Variants in AGBL4 observed in about 807,000 individuals in gnomAD.
The protein encoded by AGBL4 is cytosolic carboxypeptidase 6.
AGBL4 carries 58 observed loss-of-function variants against 66.4 expected under a neutral mutation model. The ratio of observed to expected loss-of-function variants is 0.87; its 90% CI spans 0.71 to 1.09. The LOEUF (loss-of-function observed/expected upper bound fraction) is 1.09, where lower values mean the gene tolerates loss of function less well. AGBL4 is among the 50% of genes least tolerant of loss of function. The pLI is 0.00. For missense variants in AGBL4, 579 were observed against 631.0 expected (o/e 0.92, Z 0.88); for synonymous variants, 234 against 222.9 (o/e 1.05, Z -0.44).
At chr1:48,613,988 T>C (rs892107443) in intron 9 of AGBL4, among the ~76,000 whole-genome samples, 1 of 152,186 alleles carries the variant, frequency 6.6e-6, no homozygotes, top group South Asian at 2.1e-4. Flanking sequence ...TTTTAACTAC[T>C]AAATACATAA....
intron 4 of AGBL4, among the ~76,000 whole-genome samples, chr1:49,221,826 C>G (rs1001165091): frequency 1.3e-5 from 2 of 152,064 alleles, no homozygotes; most frequent in African/African-American, 2.4e-5. Context: ...AACATATACA[C>G]TTTTTAATTT....
intron 11 of AGBL4, among the ~76,000 whole-genome samples, chr1:48,542,782 G>A (rs887921110): frequency 3.3e-5 from 5 of 152,136 alleles, no homozygotes; most frequent in African/African-American, 9.7e-5. Context: ...CTTCCATTCT[G>A]TAGCTTGTCT....
At chr1:48,996,542 G>A (rs1443340508) in intron 5 of AGBL4, among the ~76,000 whole-genome samples, 1 of 152,198 alleles carries the variant, frequency 6.6e-6, no homozygotes, top group Non-Finnish European at 1.5e-5. Flanking sequence ...TAGGTTGTCA[G>A]TTAACTGTGT....
chr1:49,488,007 A>C (rs1447115735), intron 3 of AGBL4, among the ~76,000 whole-genome samples: 1 of 152,000 alleles, frequency 6.6e-6, no homozygotes, highest in Non-Finnish European at 1.5e-5. Flanking sequence ...AATTGAAATT[A>C]AACTTCTGTA....
chr1:49,015,536 C>T (rs1238045841), intron 5 of AGBL4, among the ~76,000 whole-genome samples: 2 of 151,482 alleles, frequency 1.3e-5, no homozygotes, highest in Admixed American at 6.6e-5. Flanking sequence ...CATTCTCCTG[C>T]CTCAGCTTCC....
intron 2 of AGBL4, among the ~76,000 whole-genome samples, chr1:49,792,939 T>C (rs1385094826): frequency 1.3e-5 from 2 of 152,058 alleles, no homozygotes; most frequent in African/African-American, 2.4e-5. Flanking sequence ...TTAATGAGAA[T>C]AATAATATGC....
intron 5 of AGBL4, among the ~76,000 whole-genome samples, chr1:48,984,142 A>G (rs1659985229): frequency 6.6e-6 from 1 of 152,092 alleles, no homozygotes; most frequent in African/African-American, 2.4e-5. Context: ...AATTCACCAA[A>G]GAAAAAGCTC....
chr1:48,566,350 A>G (rs963091706), intron 11 of AGBL4, among the ~76,000 whole-genome samples: 6 of 152,226 alleles, frequency 3.9e-5, no homozygotes, highest in Admixed American at 2.0e-4. Context: ...TTCAATATCA[A>G]TAGAGCTGAT....
rs1191202653 is a variant in AGBL4, at chr1:49,687,955, T to A, written c.282+9358A>T. On this transcript the variant is annotated intron_variant, in intron 3 of 13. Coordinates refer to ENST00000371839, the MANE Select transcript of AGBL4 (RefSeq NM_032785.4). Reference sequence around the variant, plus strand: ...TTAATTTTTATGGGCACATAGTGGGTATATATGTTTATAAGGTATATGAGA... The same window carrying A: ...TTAATTTTTATGGGCACATAGTGGGAATATATGTTTATAAGGTATATGAGA... Among the ~76,000 whole-genome samples, 6 of 152,166 alleles carry A rather than the reference T, an allele frequency of 3.9e-5. No individual in the cohort carries two copies. The East Asian group carries it at 1.2e-3, about 29-fold the overall frequency.
At chr1:49,148,664 C>G (rs1430684603) in intron 4 of AGBL4, among the ~76,000 whole-genome samples, 1 of 152,204 alleles carries the variant, frequency 6.6e-6, no homozygotes, top group Non-Finnish European at 1.5e-5. Flanking sequence ...ACGTGCCTAA[C>G]TTGAAATTTT....
intron 1 of AGBL4, among the ~76,000 whole-genome samples, chr1:49,931,899 GC>G (rs1653401587): frequency 6.6e-6 from 1 of 152,026 alleles, no homozygotes; most frequent in South Asian, 2.1e-4. Context: ...AGGCAATGTG[GC>G]CCCAGTTGTG....
chr1:48,748,014 T>C (rs1338101668), intron 6 of AGBL4, among the ~76,000 whole-genome samples: 1 of 152,202 alleles, frequency 6.6e-6, no homozygotes, highest in African/African-American at 2.4e-5. Flanking sequence ...TCCTATTTTC[T>C]TCATAAATGC....
chr1:49,858,833 T>C (rs1646496198), intron 1 of AGBL4, among the ~76,000 whole-genome samples: 1 of 152,032 alleles, frequency 6.6e-6, no homozygotes, highest in Non-Finnish European at 1.5e-5. Context: ...CTGGCCAACA[T>C]GACAAAACCC....
At chr1:49,115,440 A>T (rs1376992701) in intron 4 of AGBL4, among the ~76,000 whole-genome samples, 2 of 152,200 alleles carry the variant, frequency 1.3e-5, no homozygotes, top group Admixed American at 1.3e-4. Context: ...CTGTAATATC[A>T]TTGTGGACAT....
chr1:49,230,320 A>C (rs1405168143), intron 4 of AGBL4, among the ~76,000 whole-genome samples: 3 of 152,168 alleles, frequency 2.0e-5, no homozygotes, highest in Non-Finnish European at 4.4e-5. Flanking sequence ...AATTTTAAGG[A>C]TGCTAGTTTC....
chr1:49,896,697 T>C (rs1200112595), intron 1 of AGBL4, among the ~76,000 whole-genome samples: 2 of 140,942 alleles, frequency 1.4e-5, no homozygotes, highest in African/African-American at 2.6e-5. Context: ...ATGCAAAAAT[T>C]CTCAAAAAAA....
At chr1:49,650,896 C>T (rs987041084) in intron 3 of AGBL4, among the ~76,000 whole-genome samples, 1 of 152,298 alleles carries the variant, frequency 6.6e-6, no homozygotes, top group South Asian at 2.1e-4. Context: ...TGGGGGCTGA[C>T]ATGAGTGCCC....
intron 11 of AGBL4, among the ~76,000 whole-genome samples, chr1:48,543,735 A>G (rs1436059512): frequency 1.3e-5 from 2 of 152,224 alleles, no homozygotes; most frequent in Admixed American, 6.5e-5. Context: ...GAAGTCCCCA[A>G]GCTGGGGTTG....
rs1347693538 is a variant in AGBL4 at position 49,948,556 on chromosome 1, TATATAAAA to T, written c.34+75199_34+75206del. The stretch of plus-strand genomic sequence containing the variant: ...ATATAAATATATAAATATATATAAA[TATATAAAA>T]ATATATATATATATATATAGAGAGA... On this transcript the variant is annotated intron_variant, in intron 1 of 13. Transcript: ENST00000371839. 8.6e-5 allele frequency among the ~76,000 whole-genome samples: 9 copies of T among 104,164 alleles called. 1 individual carries two copies. The South Asian group carries it at 1.7e-3, about 19-fold the overall frequency. The allele number at this position is 104,164 out of a possible 152,430, so 68.3% of individuals were successfully genotyped here.
Sources: gnomAD v4.1 joint callset for allele counts (sites outside exome capture counted in the v4.1 genomes callset) on GRCh38, gnomAD v4.1.1 for gene constraint, MANE v1.5 for transcripts, NCBI Gene and HGNC (gene_info 2026-07-23, HGNC 2026-07-21) for gene names.